Variants in PTPRT observed in about 807,000 individuals in gnomAD.
The protein encoded by PTPRT is receptor-type tyrosine-protein phosphatase T.
A neutral mutation model predicts 176.8 loss-of-function variants in PTPRT; 56 were observed. The observed-to-expected ratio is 0.32, with a 90% CI of 0.26 to 0.40. PTPRT has a LOEUF of 0.40. PTPRT is among the 10% of genes least tolerant of loss of function. PTPRT has a pLI of 1.00. For missense variants in PTPRT, 1,540 were observed against 1,908.2 expected (o/e 0.81, Z 3.60); for synonymous variants, 783 against 739.0 (o/e 1.06, Z -0.96).
chr20:42,727,776 G>A (rs2076402653), intron 6 of PTPRT, among the ~76,000 whole-genome samples: 1 of 152,172 alleles, frequency 6.6e-6, no homozygotes, highest in African/African-American at 2.4e-5. Context: ...ATTTGACCTT[G>A]TTACTTTTGT....
At chr20:42,515,828 A>T (rs1362199694) in intron 7 of PTPRT, among the ~76,000 whole-genome samples, 4 of 151,330 alleles carry the variant, frequency 2.6e-5, no homozygotes, top group Non-Finnish European at 5.9e-5. Context: ...GGCATTATTC[A>T]CAATAGCAAA....
intron 16 of PTPRT, among the ~76,000 whole-genome samples, chr20:42,186,381 C>T (rs1213066830): frequency 3.0e-5 from 2 of 67,388 alleles, no homozygotes; most frequent in Admixed American, 3.3e-4. Context: ...CTCCTTCTAC[C>T]ACATTCCTTC....
chr20:42,305,892 G>A (rs1024127969), intron 12 of PTPRT, among the ~76,000 whole-genome samples: 2 of 152,160 alleles, frequency 1.3e-5, no homozygotes, highest in Admixed American at 1.3e-4. Flanking sequence ...AGGGCAATCA[G>A]TCCAAGCTTC....
At chr20:43,163,657 A>AC (rs879384921) in intron 1 of PTPRT, among the ~76,000 whole-genome samples, 4 of 152,040 alleles carry the variant, frequency 2.6e-5, no homozygotes, top group East Asian at 1.9e-4. Context: ...ACAAAACAAA[A>AC]AAAAAAACAG....
chr20:42,315,830 G>T lies in PTPRT; in HGVS notation c.2032C>A (p.Pro678Thr). The T allele has an allele frequency of 6.2e-7, 1 of 1,614,086 alleles. No individual in the cohort carries two copies. The highest frequency in any genetic ancestry group is 8.5e-7 in the Non-Finnish European group (1 of 1,179,970). ...LKPANLPVTQ[P>T]FTVGDNKTYN... is the part of the protein sequence containing the mutation. The stretch of plus-strand genomic sequence containing the variant: ...GTCTTATTGTCACCCACTGTAAATG[G>T]CTGGGTGACAGGCAGGTTGGCAGGC... The change falls in exon 12 of 31, where the codon CCA (proline) becomes ACA (threonine). Residue 678 changes from proline to threonine, a missense_variant. Around this residue, in one of 11 missense-constraint regions of PTPRT, gnomAD observed 81 missense variants for 89.9 expected, o/e 0.90. Coordinates refer to ENST00000373187, the MANE Select transcript of PTPRT (RefSeq NM_007050.6).
chr20:42,271,850 T>G (rs1000496054), intron 13 of PTPRT, among the ~76,000 whole-genome samples: 1 of 152,130 alleles, frequency 6.6e-6, no homozygotes, highest in African/African-American at 2.4e-5. Flanking sequence ...TATGCAAAAT[T>G]GAGAAGATAG....
At chr20:42,406,342 G>A (rs2058960760) in intron 9 of PTPRT, among the ~76,000 whole-genome samples, 3 of 151,734 alleles carry the variant, frequency 2.0e-5, no homozygotes, top group South Asian at 2.1e-4. Context: ...AAAGAGAAAG[G>A]TGGTATAACC....
At chr20:42,800,029 A>C (rs1304828950) in intron 2 of PTPRT, among the ~76,000 whole-genome samples, 1 of 152,180 alleles carries the variant, frequency 6.6e-6, no homozygotes, top group Non-Finnish European at 1.5e-5. Context: ...GAATTTATTT[A>C]TCTTCTCAGT....
intron 7 of PTPRT, among the ~76,000 whole-genome samples, chr20:42,591,103 A>G (rs1000814403): frequency 2.0e-5 from 3 of 152,172 alleles, no homozygotes; most frequent in Admixed American, 2.0e-4. Flanking sequence ...GAAATTTTAG[A>G]AGAAAATACA....
chr20:43,126,450 A>G (rs2013443670), intron 1 of PTPRT, among the ~76,000 whole-genome samples: 1 of 152,210 alleles, frequency 6.6e-6, no homozygotes, highest in Non-Finnish European at 1.5e-5. Context: ...GTTTTGTTAT[A>G]CTTGTAAAAT....
intron 9 of PTPRT, among the ~76,000 whole-genome samples, chr20:42,447,670 G>A (rs575995011): frequency 4.6e-4 from 70 of 152,238 alleles, no homozygotes; most frequent in African/African-American, 1.6e-3. Flanking sequence ...TGCTTGAGTA[G>A]GTTCTGGTTC....
Position 42,204,128 on chromosome 20 carries a change from G to A in PTPRT, c.2343-4740C>T, listed in dbSNP as rs575026250. 3.3e-4 allele frequency among the ~76,000 whole-genome samples: 51 copies of A among 152,268 alleles called. No homozygotes were observed. The South Asian group carries it at 1.0e-2, about 30-fold the overall frequency. ...TACGTGCAAAGAAAGAGAAGGAAAC[G>A]CCTGCATAAAATTAGCTGGTGACCT... is the stretch of plus-strand genomic sequence containing the variant. On this transcript the variant is annotated intron_variant, in intron 15 of 30. Coordinates refer to ENST00000373187, the MANE Select transcript of PTPRT (RefSeq NM_007050.6).
intron 2 of PTPRT, among the ~76,000 whole-genome samples, chr20:42,813,315 A>G (rs2077728230): frequency 6.6e-6 from 1 of 151,848 alleles, no homozygotes; most frequent in African/African-American, 2.4e-5. Context: ...CTGAAATGTT[A>G]TTTTTTTAGG....
chr20:42,746,838 A>T (rs961106361), intron 6 of PTPRT, among the ~76,000 whole-genome samples: 1 of 152,108 alleles, frequency 6.6e-6, no homozygotes, highest in Non-Finnish European at 1.5e-5. Context: ...TACCACAAAA[A>T]AACTTCCAGA....
At chr20:42,605,721 G>C (rs2073864607) in intron 7 of PTPRT, among the ~76,000 whole-genome samples, 2 of 152,188 alleles carry the variant, frequency 1.3e-5, no homozygotes, top group Admixed American at 1.3e-4. Context: ...TGCTGCTGTG[G>C]GGAGGAATGT....
At chr20:42,208,697 A>G (rs1432666828) in intron 15 of PTPRT, among the ~76,000 whole-genome samples, 1 of 152,104 alleles carries the variant, frequency 6.6e-6, no homozygotes, top group Non-Finnish European at 1.5e-5. Context: ...TAATAATGGG[A>G]GACTTTAACA....
chr20:42,038,401 G>A, the PTPRT span, among the ~76,000 whole-genome samples: 211 of 152,314 alleles, frequency 1.4e-3, no homozygotes, highest in African/African-American at 4.8e-3. Context: ...TAGGCATGAT[G>A]TAGAAATGCA....
chr20:43,177,303 G>A (rs572861001), intron 1 of PTPRT, among the ~76,000 whole-genome samples: 13 of 152,332 alleles, frequency 8.5e-5, no homozygotes, highest in African/African-American at 2.9e-4. Context: ...AAAGATGGCT[G>A]GGACAAAGGT....
At chr20:42,783,942 C>A (rs1043399626) in intron 3 of PTPRT, among the ~76,000 whole-genome samples, 1 of 152,082 alleles carries the variant, frequency 6.6e-6, no homozygotes, top group Non-Finnish European at 1.5e-5. Context: ...AGGCCGAGAC[C>A]CTGAGTACAG....
Sources: allele counts gnomAD v4.1 joint callset (sites outside exome capture counted in the v4.1 genomes callset), GRCh38; gene constraint gnomAD v4.1.1; regional missense constraint gnomAD v4.1.1; transcripts MANE v1.5; gene names NCBI Gene and HGNC (gene_info 2026-07-23, HGNC 2026-07-21).